SPAG16: variants seen among roughly 807,000 people sequenced by gnomAD.
The protein encoded by SPAG16 is sperm associated antigen 16, also known as sperm-associated antigen 16 protein.
A neutral mutation model predicts 80.4 loss-of-function variants in SPAG16; 86 were observed. The observed-to-expected ratio is 1.07, with a 90% CI of 0.90 to 1.28. The LOEUF (loss-of-function observed/expected upper bound fraction) is 1.28, where lower values mean the gene tolerates loss of function less well. Ranked by LOEUF, SPAG16 falls within the 50% of genes most tolerant of loss-of-function variation. SPAG16 has a pLI of 0.00. For missense variants in SPAG16, 870 were observed against 765.3 expected (o/e 1.14, Z -1.61); for synonymous variants, 294 against 265.9 (o/e 1.11, Z -1.03).
intron 7 of SPAG16, among the ~76,000 whole-genome samples, chr2:213,358,551 T>C (rs950340408): frequency 6.6e-5 from 10 of 152,226 alleles, no homozygotes; most frequent in Non-Finnish European, 1.2e-4. Flanking sequence ...ATTGAATTGG[T>C]TACTGAAGCT....
chr2:214,166,405 C>A (rs1300605171), intron 15 of SPAG16, among the ~76,000 whole-genome samples: 1 of 152,110 alleles, frequency 6.6e-6, no homozygotes. Flanking sequence ...AGCATCTACT[C>A]CCTCCACGCC....
intron 13 of SPAG16, among the ~76,000 whole-genome samples, chr2:214,033,938 C>G (rs1465954445): frequency 6.6e-6 from 1 of 152,192 alleles, no homozygotes; most frequent in Non-Finnish European, 1.5e-5. Flanking sequence ...CCAATAGTGC[C>G]TTTATAACAA....
At chr2:213,447,794 T>C (rs975323737) in intron 9 of SPAG16, among the ~76,000 whole-genome samples, 2 of 152,236 alleles carry the variant, frequency 1.3e-5, no homozygotes, top group Non-Finnish European at 2.9e-5. Flanking sequence ...ATTTATACAC[T>C]TGTGTTAACT....
intron 10 of SPAG16, among the ~76,000 whole-genome samples, chr2:213,798,733 C>T (rs193163590): frequency 6.6e-6 from 1 of 152,030 alleles, no homozygotes; most frequent in Non-Finnish European, 1.5e-5. Context: ...GGTCCGTGAT[C>T]CATTTTTATT....
At chr2:213,613,221 A>G (rs930456534) in intron 10 of SPAG16, among the ~76,000 whole-genome samples, 2 of 152,180 alleles carry the variant, frequency 1.3e-5, no homozygotes, top group Non-Finnish European at 2.9e-5. Flanking sequence ...AGCCAAATCT[A>G]TTCTCAATAC....
rs74889309 is a variant in SPAG16, at chr2:213,288,645, CT to C, written c.136+4039del. Among the ~76,000 whole-genome samples, 419 of 145,068 alleles carry C rather than the reference CT, an allele frequency of 2.9e-3. 1 individual carries two copies. Among genetic ancestry groups the C allele is most frequent in the Middle Eastern group, 0.014 (4 of 280 alleles). ...TTTAAATTTACTGTATGGTTTTTAACTTTTTTTTTTTTTAAAGCTAAACATT... is the reference window on the plus strand; with the variant it reads ...TTTAAATTTACTGTATGGTTTTTAACTTTTTTTTTTTTAAAGCTAAACATT... On this transcript the variant is annotated intron_variant, in intron 1 of 15. Coordinates refer to ENST00000331683, the MANE Select transcript of SPAG16 (RefSeq NM_024532.5).
intron 15 of SPAG16, among the ~76,000 whole-genome samples, chr2:214,255,839 ATTGGTTT>A (rs1343934238): frequency 1.3e-5 from 2 of 151,884 alleles, no homozygotes; most frequent in Admixed American, 6.6e-5. Flanking sequence ...ATATGAATAT[ATTGGTTT>A]GTTTACGAAT....
intron 10 of SPAG16, among the ~76,000 whole-genome samples, chr2:213,602,777 A>G (rs959586613): frequency 2.6e-5 from 4 of 152,144 alleles, no homozygotes; most frequent in African/African-American, 9.7e-5. Flanking sequence ...ATGATTACCA[A>G]TTTCTTAGTT....
chr2:213,974,960 A>AAG (rs1553684926), intron 12 of SPAG16, among the ~76,000 whole-genome samples: 3 of 150,982 alleles, frequency 2.0e-5, no homozygotes, highest in African/African-American at 7.3e-5. Flanking sequence ...AAAAAAAAAA[A>AAG]AAAAACACAA....
At chr2:214,083,565 TATGAG>T (rs71037337) in intron 13 of SPAG16, among the ~76,000 whole-genome samples, 13,260 of 152,192 alleles carry the variant, frequency 0.087, 739 homozygotes, top group East Asian at 0.28. Context: ...TTTCCCAACT[TATGAG>T]AGGAAGAACC....
At chr2:213,954,239 T>C (rs2044004412) in intron 12 of SPAG16, among the ~76,000 whole-genome samples, 1 of 151,904 alleles carries the variant, frequency 6.6e-6, no homozygotes. Flanking sequence ...TTCCATTTTA[T>C]AGATTTGCCT....
At chr2:213,961,270 C>A (rs1205033929) in intron 12 of SPAG16, among the ~76,000 whole-genome samples, 1 of 152,086 alleles carries the variant, frequency 6.6e-6, no homozygotes, top group Non-Finnish European at 1.5e-5. Context: ...TGTAACCTTG[C>A]TGAATTTGTT....
chr2:213,368,965 TATC>T (rs922262753), intron 8 of SPAG16, among the ~76,000 whole-genome samples: 22 of 152,216 alleles, frequency 1.4e-4, no homozygotes, highest in African/African-American at 5.3e-4. Flanking sequence ...GAAGAATCAA[TATC>T]ATGATAATGG....
chr2:214,068,446 G>A (rs1345538446), intron 13 of SPAG16, among the ~76,000 whole-genome samples: 1 of 152,092 alleles, frequency 6.6e-6, no homozygotes, highest in Admixed American at 6.6e-5. Flanking sequence ...AGTTTTATCA[G>A]TAACCATGGT....
In SPAG16 at chr2:213,919,013, T is replaced by A. The variant is rs140656220; in HGVS notation, c.1215-10947T>A. Among the ~76,000 whole-genome samples, 209 of 152,300 alleles carry A rather than the reference T, an allele frequency of 1.4e-3. 3 individuals carry two copies. The East Asian group carries it at 0.035, about 25-fold the overall frequency. On this transcript the variant is annotated intron_variant, in intron 11 of 15. Coordinates refer to ENST00000331683, the MANE Select transcript of SPAG16 (RefSeq NM_024532.5). ...GTGTAATGCCCTTTGTAATTTCTAA[T>A]TGTTTTTATTTGGATCTTCTTTCTT...
At chr2:214,176,655 C>T (rs1362421107) in intron 15 of SPAG16, among the ~76,000 whole-genome samples, 1 of 151,194 alleles carries the variant, frequency 6.6e-6, no homozygotes, top group African/African-American at 2.4e-5. Flanking sequence ...CTTGGGAGCT[C>T]GGTAAGACAA....
chr2:213,521,575 C>G (rs1460343585), intron 10 of SPAG16, among the ~76,000 whole-genome samples: 2 of 152,174 alleles, frequency 1.3e-5, no homozygotes, highest in African/African-American at 4.8e-5. Context: ...TCGTGCACTT[C>G]TAGGTCAGTG....
At chr2:214,312,006 C>T (rs749643220) in intron 15 of SPAG16, among the ~76,000 whole-genome samples, 3 of 151,692 alleles carry the variant, frequency 2.0e-5, no homozygotes, top group African/African-American at 7.3e-5. Flanking sequence ...ATACTGACAG[C>T]GTATATTTGA....
chr2:214,048,850 A>G (rs2049483085), intron 13 of SPAG16, among the ~76,000 whole-genome samples: 2 of 152,204 alleles, frequency 1.3e-5, no homozygotes, highest in Non-Finnish European at 2.9e-5. Flanking sequence ...AAATTAAAAA[A>G]GAAACAAAAA....
Sources: allele counts gnomAD v4.1 joint callset (sites outside exome capture counted in the v4.1 genomes callset), GRCh38; gene constraint gnomAD v4.1.1; transcripts MANE v1.5; gene names NCBI Gene and HGNC (gene_info 2026-07-23, HGNC 2026-07-21).